IFT81: variants seen among roughly 807,000 people sequenced by gnomAD.
The protein encoded by IFT81 is intraflagellar transport 81.
A neutral mutation model predicts 102.6 loss-of-function variants in IFT81; 72 were observed. The ratio of observed to expected loss-of-function variants is 0.70; its 90% CI spans 0.58 to 0.85. IFT81 has a LOEUF of 0.85. Among genes scored for constraint, IFT81 ranks in the 40% least tolerant of loss-of-function variants. IFT81 has a pLI of 0.00. For synonymous variants in IFT81, 237 were observed against 242.7 expected (o/e 0.98, Z 0.22); for missense variants, 723 against 787.3 (o/e 0.92, Z 0.98).
intron 11 of IFT81, among the ~76,000 whole-genome samples, chr12:110,172,727 C>T (rs915879268): frequency 6.6e-6 from 1 of 152,168 alleles, no homozygotes; most frequent in African/African-American, 2.4e-5. Flanking sequence ...GGCGTGATCT[C>T]GTGTCGCTAC....
At chr12:110,198,553 C>T (rs1200876127) in intron 14 of IFT81, among the ~76,000 whole-genome samples, 5 of 151,978 alleles carry the variant, frequency 3.3e-5, no homozygotes, top group African/African-American at 9.7e-5. Context: ...TTTTCTCTCC[C>T]ATTTTTTGCG....
intron 4 of IFT81, 88 bp downstream of exon 4, chr12:110,129,218 G>A (rs750606412): frequency 2.0e-6 from 2 of 982,936 alleles, no homozygotes; most frequent in Non-Finnish European, 2.9e-6. Flanking sequence ...TTTATTTGCT[G>A]TCTTTGTAGT....
intron 18 of IFT81, among the ~76,000 whole-genome samples, chr12:110,211,130 G>A (rs535230479): frequency 6.7e-6 from 1 of 149,624 alleles, no homozygotes; most frequent in Non-Finnish European, 1.5e-5. Flanking sequence ...CAAAGTGTGG[G>A]ATTACAGGCA....
intron 10 of IFT81, among the ~76,000 whole-genome samples, chr12:110,157,614 TC>T (rs902929750): frequency 2.5e-4 from 38 of 152,182 alleles, no homozygotes; most frequent in African/African-American, 9.2e-4. Flanking sequence ...ATTCTATCTG[TC>T]CCTTTCTCTT....
At chr12:110,140,467 A>G (rs539188408) in intron 8 of IFT81, among the ~76,000 whole-genome samples, 38 of 152,212 alleles carry the variant, frequency 2.5e-4, no homozygotes, top group Non-Finnish European at 5.4e-4. Flanking sequence ...CTGTCACTAT[A>G]AATCAGTTTA....
In IFT81 at chr12:110,158,715, G is replaced by A. The variant is rs540714126; in HGVS notation, c.1042-4204G>A. 3.5e-3 allele frequency among the ~76,000 whole-genome samples: 529 copies of A among 151,500 alleles called. 5 individuals are homozygous for A. Among genetic ancestry groups the A allele is most frequent in the African/African-American group, 6.2e-3 (254 of 41,286 alleles). On this transcript the variant is annotated intron_variant, in intron 10 of 18. Coordinates refer to ENST00000242591, the MANE Select transcript of IFT81 (RefSeq NM_014055.4). ...CGCCATTCTCCTGCCTCAGCCTCCC[G>A]AGCAGCTGGGACTACAGGCGCCCGC...
chr12:110,145,433 G>T (rs80138849), intron 9 of IFT81, among the ~76,000 whole-genome samples: 9 of 150,946 alleles, frequency 6.0e-5, no homozygotes, highest in South Asian at 2.1e-4. Flanking sequence ...TGACTGTTTT[G>T]GTTTTTTTTG....
At chr12:110,177,351 C>T (rs1400398367) in intron 11 of IFT81, among the ~76,000 whole-genome samples, 2 of 152,160 alleles carry the variant, frequency 1.3e-5, no homozygotes, top group East Asian at 1.9e-4. Context: ...GGCACAATCT[C>T]GGCTCACTGC....
At chr12:110,211,030 AT>A (rs961144640) in intron 18 of IFT81, among the ~76,000 whole-genome samples, 277 of 129,216 alleles carry the variant, frequency 2.1e-3, no homozygotes, top group Admixed American at 2.7e-3. Flanking sequence ...TAATTTTTGT[AT>A]TTTTTTTTTT....
chr12:110,155,452 A>C (rs1026648664), intron 10 of IFT81, among the ~76,000 whole-genome samples: 3 of 150,442 alleles, frequency 2.0e-5, no homozygotes, highest in Non-Finnish European at 4.4e-5. Context: ...CTGGGATTAC[A>C]GGTACTTGCC....
intron 10 of IFT81, among the ~76,000 whole-genome samples, chr12:110,161,068 AT>A (rs1426987489): frequency 6.8e-6 from 1 of 148,100 alleles, no homozygotes; most frequent in African/African-American, 2.5e-5. Flanking sequence ...CATGTTATTT[AT>A]TTTATTATTG....
chr12:110,175,552 C>T (rs1896996310), intron 11 of IFT81, among the ~76,000 whole-genome samples: 1 of 152,160 alleles, frequency 6.6e-6, no homozygotes, highest in South Asian at 2.1e-4. Context: ...ATCTGATGCA[C>T]ATATGTTTAG....
chr12:110,153,400 AT>A (rs1436880135), intron 10 of IFT81, among the ~76,000 whole-genome samples: 1 of 149,762 alleles, frequency 6.7e-6, no homozygotes, highest in Admixed American at 6.7e-5. Context: ...ATGCCAGCTA[AT>A]TTTTTATTTT....
At chr12:110,127,119 A>G (rs1013525673) in intron 1 of IFT81, among the ~76,000 whole-genome samples, 1 of 152,180 alleles carries the variant, frequency 6.6e-6, no homozygotes, top group African/African-American at 2.4e-5. Context: ...TCAGATGATT[A>G]CTGTTACACC....
chr12:110,129,161 T>G (rs766366961), intron 4 of IFT81, 31 bp downstream of exon 4: 19 of 1,466,892 alleles, frequency 1.3e-5, no homozygotes, highest in Non-Finnish European at 1.8e-5. Flanking sequence ...ACATTGAAAC[T>G]GTAATGGATT....
At chr12:110,204,029 C>G in intron 15 of IFT81, 79 bp downstream of exon 15, 1 of 878,128 alleles carries the variant, frequency 1.1e-6, no homozygotes, top group Non-Finnish European at 1.8e-6. Context: ...ACTCTGGAGG[C>G]TGAAGCAGGA....
At chr12:110,180,307 T>C (rs534155252) in intron 11 of IFT81, 115 bp from the exon 12 acceptor site, 1 of 374,386 alleles carries the variant, frequency 2.7e-6, no homozygotes, top group African/African-American at 2.1e-5. Context: ...TATATACGTG[T>C]GACATGTTGG....
chr12:110,191,024 A>G lies in IFT81; in HGVS notation c.1443A>G (p.Arg481=). The G allele has an allele frequency of 6.2e-7, 1 of 1,608,944 alleles. No individual in the cohort carries two copies. The highest frequency in any genetic ancestry group is 8.5e-7 in the Non-Finnish European group (1 of 1,178,258). The part of the protein sequence containing the change: ...LKSEVDEMKG[R]TLDDMSEMVK... ...GTGAAGTTGATGAAATGAAAGGACG[A>G]ACATTGGATGATATGTCTGAAATGG... The change falls in exon 13 of 19, where the codon CGA becomes CGG. Residue 481 remains arginine (R), a synonymous_variant. Transcript: ENST00000242591.
intron 11 of IFT81, among the ~76,000 whole-genome samples, chr12:110,177,479 T>C (rs2137502360): frequency 6.6e-6 from 1 of 152,306 alleles, no homozygotes; most frequent in East Asian, 1.9e-4. Context: ...GGACGGAGTT[T>C]GGCCATACTG....
Sources: gnomAD v4.1 joint callset for allele counts (sites outside exome capture counted in the v4.1 genomes callset) on GRCh38, gnomAD v4.1.1 for gene constraint, MANE v1.5 for transcripts, NCBI Gene and HGNC (gene_info 2026-07-23, HGNC 2026-07-21) for gene names.